Variants in GRID1 observed in about 807,000 individuals in gnomAD.
GRID1 encodes glutamate receptor ionotropic, delta-1.
GRID1 carries 28 observed loss-of-function variants against 98.0 expected under a neutral mutation model. The observed-to-expected ratio is 0.29, with a 90% CI of 0.21 to 0.39. GRID1 has a LOEUF of 0.39. Ranked by LOEUF, GRID1 falls within the 10% of genes least tolerant of loss-of-function variation. GRID1 has a pLI of 1.00. For synonymous variants in GRID1, 553 were observed against 538.5 expected (o/e 1.03, Z -0.37); for missense variants, 1,111 against 1,340.5 (o/e 0.83, Z 2.67).
intron 5 of GRID1, among the ~76,000 whole-genome samples, chr10:85,892,205 T>TAAAA (rs758750476): frequency 6.0e-5 from 5 of 83,408 alleles, no homozygotes; most frequent in African/African-American, 2.3e-4. Context: ...ATCATGGAGA[T>TAAAA]AAAAAAAAAA....
At chr10:86,339,551 C>T (rs1848279130) in intron 2 of GRID1, among the ~76,000 whole-genome samples, 2 of 152,376 alleles carry the variant, frequency 1.3e-5, no homozygotes, top group South Asian at 4.1e-4. Flanking sequence ...CCTTTGCCTC[C>T]CGCTGGGGAG....
At chr10:86,183,862 A>G (rs1845692309) in intron 3 of GRID1, among the ~76,000 whole-genome samples, 3 of 152,270 alleles carry the variant, frequency 2.0e-5, no homozygotes, top group Admixed American at 2.0e-4. Context: ...TCAAACTGGT[A>G]GTGCATTTTA....
intron 4 of GRID1, among the ~76,000 whole-genome samples, chr10:85,951,624 A>C (rs1189056354): frequency 6.6e-6 from 1 of 152,144 alleles, no homozygotes; most frequent in African/African-American, 2.4e-5. Flanking sequence ...ACATTATCTC[A>C]AACTTCTAGT....
intron 4 of GRID1, among the ~76,000 whole-genome samples, chr10:85,941,091 T>G (rs1160019104): frequency 1.3e-5 from 2 of 152,246 alleles, no homozygotes; most frequent in Non-Finnish European, 2.9e-5. Context: ...TGATGTGTAT[T>G]CATTTATTCT....
chr10:86,125,868 C>T (rs1180284509), intron 4 of GRID1, among the ~76,000 whole-genome samples: 1 of 152,140 alleles, frequency 6.6e-6, no homozygotes, highest in African/African-American at 2.4e-5. Flanking sequence ...CTCTACTTTA[C>T]CGTAAGAATA....
chr10:86,346,055 C>T (rs1848376652), intron 2 of GRID1, among the ~76,000 whole-genome samples: 1 of 152,246 alleles, frequency 6.6e-6, no homozygotes, highest in South Asian at 2.1e-4. Flanking sequence ...TGCTCCCACA[C>T]CCCTGGGCAG....
At chr10:86,255,202 TTTTC>T (rs939842994) in intron 2 of GRID1, among the ~76,000 whole-genome samples, 3 of 152,372 alleles carry the variant, frequency 2.0e-5, no homozygotes, top group African/African-American at 4.8e-5. Flanking sequence ...CATGCTTTTC[TTTTC>T]TTTATTTTCA....
intron 12 of GRID1, among the ~76,000 whole-genome samples, chr10:85,652,754 C>A (rs1840839624): frequency 6.6e-6 from 1 of 152,134 alleles, no homozygotes; most frequent in Non-Finnish European, 1.5e-5. Flanking sequence ...GGTTTCTTCC[C>A]CAGCGCCCCC....
chr10:85,891,899 T>C (rs938398784), intron 5 of GRID1, among the ~76,000 whole-genome samples: 3 of 151,922 alleles, frequency 2.0e-5, no homozygotes, highest in African/African-American at 4.8e-5. Flanking sequence ...CCTCAATCAA[T>C]CCTCAATCAA....
chr10:85,791,349 T>G (rs1395933197), intron 8 of GRID1, among the ~76,000 whole-genome samples: 1 of 152,212 alleles, frequency 6.6e-6, no homozygotes, highest in Non-Finnish European at 1.5e-5. Context: ...ATGCAGATCT[T>G]AGAAGAATTT....
intron 2 of GRID1, among the ~76,000 whole-genome samples, chr10:86,247,313 A>G (rs773271900): frequency 1.1e-4 from 16 of 150,432 alleles, no homozygotes; most frequent in Non-Finnish European, 2.1e-4. Flanking sequence ...ATATGAGTGG[A>G]TGGGTGGGTA....
chr10:86,074,999 A>C (rs1843860315), intron 4 of GRID1, among the ~76,000 whole-genome samples: 1 of 152,096 alleles, frequency 6.6e-6, no homozygotes, highest in Non-Finnish European at 1.5e-5. Flanking sequence ...ATCACTGTGC[A>C]GCTGAATGAA....
At chr10:85,733,530 A>ATGT (rs1453128245) in intron 8 of GRID1, among the ~76,000 whole-genome samples, 2 of 152,248 alleles carry the variant, frequency 1.3e-5, no homozygotes, top group African/African-American at 4.8e-5. Context: ...ACTTGACAGC[A>ATGT]CAATGCTTGA....
At chr10:85,762,500 A>G (rs1842156564) in intron 8 of GRID1, among the ~76,000 whole-genome samples, 1 of 152,220 alleles carries the variant, frequency 6.6e-6, no homozygotes. Flanking sequence ...GGGATGTCCC[A>G]GACATTCTAC....
chr10:86,031,014 A>G (rs754076448), intron 4 of GRID1, among the ~76,000 whole-genome samples: 1 of 152,140 alleles, frequency 6.6e-6, no homozygotes, highest in Non-Finnish European at 1.5e-5. Context: ...TGTGAGCCCT[A>G]TGTAAATCAG....
intron 8 of GRID1, among the ~76,000 whole-genome samples, chr10:85,749,857 T>C (rs1430048038): frequency 6.6e-6 from 1 of 152,228 alleles, no homozygotes; most frequent in East Asian, 1.9e-4. Flanking sequence ...CTTATCATCC[T>C]AAGTAGACTC....
chr10:86,110,186 C>G (rs952872664), intron 4 of GRID1, among the ~76,000 whole-genome samples: 2 of 152,082 alleles, frequency 1.3e-5, no homozygotes, highest in Non-Finnish European at 2.9e-5. Flanking sequence ...ATTGGTCAGG[C>G]TGATCTCGAA....
rs1224222887 is a variant in GRID1, at chr10:86,003,682, AG to A, written c.727-87444del. 2.0e-5 allele frequency among the ~76,000 whole-genome samples: 3 copies of A among 152,366 alleles called. 1 individual carries two copies. In the East Asian group the frequency reaches 5.8e-4, roughly 29 times the overall value. ...AGCAGCTCTCTTTCCATAAGGGTTT[AG>A]AAGCCAATGGCCAATGGGTACCTAA... is the stretch of plus-strand genomic sequence containing the variant. On this transcript the variant is annotated intron_variant, in intron 4 of 15. Transcript: ENST00000327946.
At chr10:85,833,212 G>C (rs1564604410) in intron 8 of GRID1, among the ~76,000 whole-genome samples, 3 of 152,194 alleles carry the variant, frequency 2.0e-5, no homozygotes. Context: ...TCCCCAGCCA[G>C]GGAAGTGCCC....
Sources: gnomAD v4.1 joint callset for allele counts (sites outside exome capture counted in the v4.1 genomes callset) on GRCh38, gnomAD v4.1.1 for gene constraint, MANE v1.5 for transcripts, NCBI Gene and HGNC (gene_info 2026-07-23, HGNC 2026-07-21) for gene names.